Variants in PEX1 observed in about 807,000 individuals in gnomAD.
PEX1 encodes the protein peroxisomal ATPase PEX1.
In PEX1, 97 loss-of-function variants were observed where a neutral mutation model predicts 152.5. The ratio of observed to expected loss-of-function variants is 0.64; its 90% CI spans 0.54 to 0.75. The LOEUF is 0.75. PEX1 is among the 30% of genes least tolerant of loss of function. The probability of loss-of-function intolerance (pLI) is 0.00; values close to 1 mark genes in which losing one functional copy is unlikely to be tolerated. For missense variants in PEX1, 1,357 were observed against 1,516.3 expected (o/e 0.89, Z 1.74); for synonymous variants, 485 against 531.6 (o/e 0.91, Z 1.21).
At chr7:92,489,665 C>T in intron 22 of PEX1, 49 bp downstream of exon 22, 1 of 1,527,982 alleles carries the variant, frequency 6.5e-7, no homozygotes, top group Non-Finnish European at 9.1e-7. Context: ...AAGGGTGAAA[C>T]AATTTTTAAG....
chr7:92,524,469 G>A (rs1369769678), intron 1 of PEX1, among the ~76,000 whole-genome samples: 1 of 151,592 alleles, frequency 6.6e-6, no homozygotes, highest in Non-Finnish European at 1.5e-5. Flanking sequence ...GTTTTACCAT[G>A]TTGGCCAGGC....
At position 92,518,128 on chromosome 7, in the gene PEX1, C is replaced by T. The variant is rs1792887180; in HGVS notation, c.472+13G>A. ...GTGTAGAATATGACAGCAAATATTA[C>T]AATAGCACCTACCAATTTGGATAAA... On this transcript the variant is annotated intron_variant, in intron 4 of 23. Coordinates refer to ENST00000248633, the MANE Select transcript of PEX1 (RefSeq NM_000466.3). 1.9e-6 allele frequency: 3 copies of T among 1,605,934 alleles called. No individual in the cohort carries two copies. In the African/African-American group the frequency reaches 4.0e-5, roughly 21 times the overall value.
chr7:92,501,056 G>T (rs953593952), intron 15 of PEX1, among the ~76,000 whole-genome samples: 1 of 152,162 alleles, frequency 6.6e-6, no homozygotes, highest in Non-Finnish European at 1.5e-5. Context: ...TGTATTTACT[G>T]TAACTATCAC....
chr7:92,487,478 T>A lies in PEX1; in HGVS notation c.3831A>T (p.Gly1277=), dbSNP rs758795939. Residue 1277 remains glycine, a synonymous_variant, in exon 24 of 24, where the codon GGA becomes GGT. Coordinates refer to ENST00000248633, the MANE Select transcript of PEX1 (RefSeq NM_000466.3). Reference sequence around the variant, plus strand: ...TATTTTATGCTAAAGTTACTTTCTGTCCAGGTCGAAACATTGTTCCACTTT... The same window carrying A: ...TATTTTATGCTAAAGTTACTTTCTGACCAGGTCGAAACATTGTTCCACTTT... The part of the protein sequence containing the change: ...KNQSGTMFRP[G]QKVTLA 2 of 1,590,560 alleles carry A rather than the reference T, an allele frequency of 1.3e-6. No individual in the cohort carries two copies. Among genetic ancestry groups the A allele is most frequent in the African/African-American group, 2.7e-5 (2 of 74,500 alleles).
intron 2 of PEX1, among the ~76,000 whole-genome samples, chr7:92,520,143 A>G (rs1400605605): frequency 6.6e-6 from 1 of 152,146 alleles, no homozygotes; most frequent in African/African-American, 2.4e-5. Flanking sequence ...GGAGTTAAAA[A>G]CAAGTAGGAT....
rs371998281 is a variant in PEX1, at chr7:92,526,233, T to G, written c.129+2074A>C. Among the ~76,000 whole-genome samples, 29 of 152,314 alleles carry G rather than the reference T, an allele frequency of 1.9e-4. No homozygotes were observed. In the East Asian group the frequency reaches 2.1e-3, roughly 11 times the overall value. On this transcript the variant is annotated intron_variant, in intron 1 of 23. Transcript: ENST00000248633. ...TGCATCCAAGTAGCCTGAATAAATT[T>G]TTTAAAATTAGAGATGCCTAAAGCC...
At chr7:92,490,821 C>CT in intron 21 of PEX1, among the ~76,000 whole-genome samples, 1 of 152,270 alleles carries the variant, frequency 6.6e-6, no homozygotes, top group East Asian at 1.9e-4. Flanking sequence ...AATCAAAACA[C>CT]TTTCCTGTTG....
chr7:92,495,195 CTTTGT>C (rs139564743), intron 17 of PEX1, among the ~76,000 whole-genome samples: 1,878 of 152,038 alleles, frequency 0.012, 41 homozygotes, highest in African/African-American at 0.043. Flanking sequence ...TGAACTTTGA[CTTTGT>C]TTTATTAATT....
Position 92,509,322 on chromosome 7 carries a change from T to G in PEX1, c.1670+7A>C, listed in dbSNP as rs1792344552. On this transcript the variant is annotated splice_region_variant and intron_variant, in intron 9 of 23. Coordinates refer to ENST00000248633, the MANE Select transcript of PEX1 (RefSeq NM_000466.3). ...TCTAACATGCTAGTTTGGCCATAAC[T>G]TCTTACCCCAAAGAGCTCAGCTTTA... The G allele has an allele frequency of 1.2e-6, 2 of 1,602,560 alleles. No individual in the cohort carries two copies.
chr7:92,515,063 T>TC (rs1792664294), intron 5 of PEX1, among the ~76,000 whole-genome samples: 1 of 81,060 alleles, frequency 1.2e-5, no homozygotes, highest in Non-Finnish European at 2.4e-5. Context: ...AAAAAAAAAA[T>TC]TATCTATATA....
chr7:92,492,379 G>T (rs770970400), intron 20 of PEX1, among the ~76,000 whole-genome samples: 4 of 152,178 alleles, frequency 2.6e-5, no homozygotes, highest in Non-Finnish European at 5.9e-5. Context: ...GTGCAACCAT[G>T]ATTTGGTCTC....
intron 2 of PEX1, among the ~76,000 whole-genome samples, chr7:92,520,760 A>G (rs1488623801): frequency 6.6e-6 from 1 of 152,066 alleles, no homozygotes; most frequent in Non-Finnish European, 1.5e-5. Flanking sequence ...GAGAGAGAGA[A>G]AGAGAGAGAC....
chr7:92,504,373 G>A (rs113078922), intron 12 of PEX1, among the ~76,000 whole-genome samples: 105 of 152,068 alleles, frequency 6.9e-4, no homozygotes, highest in African/African-American at 2.5e-3. Context: ...ATCGTTCTGC[G>A]CTAATACTGT....
At chr7:92,492,648 C>CT (rs1234765325) in intron 20 of PEX1, among the ~76,000 whole-genome samples, 3 of 152,152 alleles carry the variant, frequency 2.0e-5, no homozygotes, top group Non-Finnish European at 2.9e-5. Flanking sequence ...ACAAAAAACT[C>CT]TAATTATTTT....
chr7:92,511,650 C>T lies in PEX1; in HGVS notation c.1413G>A (p.Gln471=), dbSNP rs1354951609. The change falls in exon 7 of 24, where the codon CAG becomes CAA. Residue 471 remains glutamine, a synonymous_variant. Coordinates refer to ENST00000248633, the MANE Select transcript of PEX1 (RefSeq NM_000466.3). ...AAGGAAGCATGGTGGTAGTAGACTG[C>T]TGTAGCCATGAATAAAATACAGTTT... The part of the protein sequence containing the change: ...DIKTVFYSWL[Q]QSTTTMLPLV... 6.8e-6 allele frequency: 11 copies of T among 1,611,684 alleles called. No homozygotes were observed. Among genetic ancestry groups the T allele is most frequent in the Admixed American group, 3.3e-5 (2 of 60,022 alleles).
rs376068470 is a variant in PEX1 at position 92,523,130 on chromosome 7, G to A, written c.130-885C>T. Among the ~76,000 whole-genome samples the A allele has an allele frequency of 4.6e-5, 7 of 152,118 alleles. No homozygotes were observed. The South Asian group carries it at 8.3e-4, about 18-fold the overall frequency. On this transcript the variant is annotated intron_variant, in intron 1 of 23. Coordinates refer to ENST00000248633, the MANE Select transcript of PEX1 (RefSeq NM_000466.3). ...ATTACAAACTCATTATAGAGACCTC[G>A]GAAAACATATAAACTTGGAAGGAAA... is the stretch of plus-strand genomic sequence containing the variant.
chr7:92,502,186 A>C (rs1463479019), intron 13 of PEX1, 107 bp from the exon 14 acceptor site: 2 of 785,268 alleles, frequency 2.5e-6, no homozygotes, highest in African/African-American at 3.4e-5. Flanking sequence ...GACAGAAAGC[A>C]AATTGGTAGT....
At chr7:92,498,333 A>G (rs530742389) in intron 16 of PEX1, among the ~76,000 whole-genome samples, 1 of 151,696 alleles carries the variant, frequency 6.6e-6, no homozygotes, top group African/African-American at 2.4e-5. Flanking sequence ...GTGAAACCCC[A>G]TCTCTACTAA....
At chr7:92,522,284 A>G (rs979958115) in intron 1 of PEX1, 39 bp from the exon 2 acceptor site, 7 of 1,602,162 alleles carry the variant, frequency 4.4e-6, no homozygotes, top group Non-Finnish European at 6.0e-6. Flanking sequence ...AGGTTTTCGT[A>G]TACATTTTTC....
Sources: allele counts gnomAD v4.1 joint callset (sites outside exome capture counted in the v4.1 genomes callset), GRCh38; gene constraint gnomAD v4.1.1; transcripts MANE v1.5; gene names NCBI Gene and HGNC (gene_info 2026-07-23, HGNC 2026-07-21).